Variants in DOP1B observed in about 807,000 individuals in gnomAD.
DOP1B encodes protein DOP1B.
DOP1B carries 174 observed loss-of-function variants against 233.5 expected under a neutral mutation model. The ratio of observed to expected loss-of-function variants is 0.75; its 90% CI spans 0.66 to 0.85. The LOEUF (loss-of-function observed/expected upper bound fraction) is 0.85, where lower values mean the gene tolerates loss of function less well. Among genes scored for constraint, DOP1B ranks in the 40% least tolerant of loss-of-function variants. The pLI is 0.00. For missense variants in DOP1B, 2,652 were observed against 2,846.6 expected (o/e 0.93, Z 1.56); for synonymous variants, 1,190 against 1,185.6 (o/e 1.00, Z -0.08).
At chr21:36,235,235 G>A (rs1183066521) in intron 15 of DOP1B, among the ~76,000 whole-genome samples, 1 of 152,202 alleles carries the variant, frequency 6.6e-6, no homozygotes, top group Non-Finnish European at 1.5e-5. Context: ...AGACAGGGCT[G>A]TTGTCTGATC....
Position 36,253,805 on chromosome 21 carries a change from C to G in DOP1B, c.5155C>G (p.Leu1719Val), listed in dbSNP as rs2067060550. 2.5e-6 allele frequency: 4 copies of G among 1,613,844 alleles called. No individual in the cohort carries two copies. The highest frequency in any genetic ancestry group is 3.4e-6 in the Non-Finnish European group (4 of 1,179,904). Residue 1719 changes from leucine to valine, a missense_variant, in exon 23 of 37, where the codon CTT becomes GTT. This residue lies in a region of DOP1B where 2,617 missense variants were observed against 2,794.3 expected (regional missense o/e 0.94). Transcript: ENST00000691173. ...IPTASASQLT[L>V]VDLVCALSTL... Reference sequence around the variant, plus strand: ...AACGGCAAGTGCATCCCAGCTAACCCTTGTCGACTTGGTGTGTGCACTCAG... The same window carrying G: ...AACGGCAAGTGCATCCCAGCTAACCGTTGTCGACTTGGTGTGTGCACTCAG...
chr21:36,209,110 T>C (rs1156251608), intron 5 of DOP1B, among the ~76,000 whole-genome samples: 1 of 152,090 alleles, frequency 6.6e-6, no homozygotes, highest in Non-Finnish European at 1.5e-5. Flanking sequence ...ACATATGCAT[T>C]AAGGTTTTTT....
At chr21:36,270,441 T>A (rs1191627420) in intron 27 of DOP1B, among the ~76,000 whole-genome samples, 1 of 147,742 alleles carries the variant, frequency 6.8e-6, no homozygotes, top group Non-Finnish European at 1.5e-5. Flanking sequence ...TGGTCCCAGC[T>A]ACTTGGGAGG....
intron 2 of DOP1B, chr21:36,169,714 G>T (rs1040208893): frequency 1.0e-6 from 1 of 963,676 alleles, no homozygotes; most frequent in Non-Finnish European, 1.7e-6. Flanking sequence ...TGACTTGGCA[G>T]TGCTTCCTCA....
intron 10 of DOP1B, among the ~76,000 whole-genome samples, chr21:36,221,903 C>T (rs528113849): frequency 1.3e-5 from 2 of 152,244 alleles, no homozygotes; most frequent in African/African-American, 4.8e-5. Context: ...GACGGAGTCT[C>T]GCTCTGTACC....
intron 27 of DOP1B, among the ~76,000 whole-genome samples, chr21:36,276,313 T>C (rs2067348779): frequency 6.6e-6 from 1 of 152,090 alleles, no homozygotes; most frequent in South Asian, 2.1e-4. Context: ...GGCAAATTAC[T>C]TGAGCCCAGG....
At chr21:36,201,894 A>G (rs2066371900) in intron 4 of DOP1B, among the ~76,000 whole-genome samples, 2 of 151,690 alleles carry the variant, frequency 1.3e-5, no homozygotes, top group African/African-American at 2.4e-5. Context: ...TGTTCCGACT[A>G]TTGAGTATGG....
chr21:36,281,372 AG>A, intron 31 of DOP1B, 110 bp from the exon 32 acceptor site: 4 of 1,172,408 alleles, frequency 3.4e-6, no homozygotes, highest in Non-Finnish European at 4.7e-6. Context: ...TACTTAATAA[AG>A]ATCATGATTT....
chr21:36,193,812 C>G lies in DOP1B; in HGVS notation c.139-5258C>G, dbSNP rs139682547. Reference sequence around the variant, plus strand: ...CAAGCAACTGGTTCTCCCTTCTCCACTGGGCTACAGCTCTGAGCTTCTGCA... The same window carrying G: ...CAAGCAACTGGTTCTCCCTTCTCCAGTGGGCTACAGCTCTGAGCTTCTGCA... On this transcript the variant is annotated intron_variant, in intron 2 of 36. Coordinates refer to ENST00000691173, the MANE Select transcript of DOP1B (RefSeq NM_001320714.2). 1.8e-4 allele frequency among the ~76,000 whole-genome samples: 28 copies of G among 152,318 alleles called. No homozygotes were observed. The East Asian group carries it at 3.9e-3, about 21-fold the overall frequency.
intron 2 of DOP1B, among the ~76,000 whole-genome samples, chr21:36,172,430 C>A (rs1052764087): frequency 6.6e-6 from 1 of 152,224 alleles, no homozygotes; most frequent in Non-Finnish European, 1.5e-5. Context: ...CTTGCAACTT[C>A]TGCATTCAAG....
intron 2 of DOP1B, among the ~76,000 whole-genome samples, chr21:36,180,791 G>A (rs2066089511): frequency 1.3e-5 from 2 of 151,806 alleles, no homozygotes; most frequent in African/African-American, 4.8e-5. Flanking sequence ...TGAGGCATGA[G>A]AATCGCTTGA....
At chr21:36,290,863 C>T (rs372589190) in intron 35 of DOP1B, among the ~76,000 whole-genome samples, 33 of 149,496 alleles carry the variant, frequency 2.2e-4, no homozygotes, top group East Asian at 1.2e-3. Context: ...CCAGCTACTT[C>T]GGAAGCTGAG....
At chr21:36,276,904 A>G (rs1005306093) in intron 27 of DOP1B, 117 bp from the exon 28 acceptor site, 4 of 901,270 alleles carry the variant, frequency 4.4e-6, no homozygotes, top group Non-Finnish European at 5.2e-6. Context: ...AGTCATATGG[A>G]CACAATTGGT....
intron 24 of DOP1B, chr21:36,261,230 T>G: frequency 1.2e-6 from 1 of 855,442 alleles, no homozygotes; most frequent in Non-Finnish European, 1.4e-6. Flanking sequence ...TCCGGCATGG[T>G]GGCGTGCGCC....
chr21:36,217,772 G>GA (rs1427795317), intron 9 of DOP1B, among the ~76,000 whole-genome samples: 1 of 152,144 alleles, frequency 6.6e-6, no homozygotes, highest in East Asian at 1.9e-4. Context: ...CTGCAGCTCT[G>GA]AAAAATCATG....
intron 1 of DOP1B, among the ~76,000 whole-genome samples, chr21:36,157,199 C>T (rs755212324): frequency 5.3e-5 from 8 of 152,054 alleles, no homozygotes; most frequent in Non-Finnish European, 1.0e-4. Context: ...GGGTGGGGTC[C>T]CCTAGGGTTA....
At chr21:36,183,496 C>T (rs17228605) in intron 2 of DOP1B, among the ~76,000 whole-genome samples, 3,103 of 152,306 alleles carry the variant, frequency 0.02, 54 homozygotes, top group Non-Finnish European at 0.033. Context: ...TGCAGGCTGA[C>T]GTGGACGTAC....
chr21:36,173,357 C>G (rs1166995173), intron 2 of DOP1B, among the ~76,000 whole-genome samples: 1 of 151,666 alleles, frequency 6.6e-6, no homozygotes, highest in Non-Finnish European at 1.5e-5. Flanking sequence ...CTAATGGTAT[C>G]ATTTTCAAAC....
chr21:36,184,674 G>C lies in DOP1B; in HGVS notation c.139-14396G>C, dbSNP rs12483627. 3.4e-3 allele frequency among the ~76,000 whole-genome samples: 525 copies of C among 152,368 alleles called. 2 individuals carry two copies. The highest frequency in any genetic ancestry group is 0.012 in the African/African-American group (484 of 41,582). On this transcript the variant is annotated intron_variant, in intron 2 of 36. Transcript: ENST00000691173. ...GCTGTGTGCTTCGCTGCCGGCCTGA[G>C]GCTCTGCGTTCCCCTCCTTGGTGCT...
Sources: allele counts gnomAD v4.1 joint callset (sites outside exome capture counted in the v4.1 genomes callset), GRCh38; gene constraint gnomAD v4.1.1; regional missense constraint gnomAD v4.1.1; transcripts MANE v1.5; gene names NCBI Gene and HGNC (gene_info 2026-07-23, HGNC 2026-07-21).